UBE2W: variants seen among roughly 807,000 people sequenced by gnomAD.
The protein encoded by UBE2W is ubiquitin conjugating enzyme E2 W.
UBE2W carries 18 observed loss-of-function variants against 27.2 expected under a neutral mutation model. The ratio of observed to expected loss-of-function variants is 0.66; its 90% CI spans 0.46 to 0.98. The LOEUF (loss-of-function observed/expected upper bound fraction) is 0.98. UBE2W is among the 50% of genes least tolerant of loss of function. UBE2W has a pLI of 0.00. For synonymous variants in UBE2W, 53 were observed against 57.2 expected (o/e 0.93, Z 0.33); for missense variants, 90 against 180.2 (o/e 0.50, Z 2.87).
At chr8:73,842,051 G>A (rs918411990) in intron 1 of UBE2W, among the ~76,000 whole-genome samples, 3 of 152,056 alleles carry the variant, frequency 2.0e-5, no homozygotes, top group Non-Finnish European at 2.9e-5. Flanking sequence ...CAGCAGAAAC[G>A]AACACAAATA....
At chr8:73,878,180 G>A (rs953059837) in intron 1 of UBE2W, among the ~76,000 whole-genome samples, 1 of 152,228 alleles carries the variant, frequency 6.6e-6, no homozygotes, top group Admixed American at 6.5e-5. Context: ...GTGGACTGCT[G>A]GAGGAATGTC....
At position 73,871,933 on chromosome 8, in the gene UBE2W, C is replaced by T. The variant is rs565469855; in HGVS notation, c.15+6875G>A. 2.0e-5 allele frequency among the ~76,000 whole-genome samples: 3 copies of T among 152,138 alleles called. No individual in the cohort carries two copies. In the South Asian group the frequency reaches 6.2e-4, roughly 32 times the overall value. ...TTTGAGACAGGGTCTCACTCTGTCACCCATGCTGGAGTAGAGTGGCACAAT... is the reference window on the plus strand; with the variant it reads ...TTTGAGACAGGGTCTCACTCTGTCATCCATGCTGGAGTAGAGTGGCACAAT... On this transcript the variant is annotated intron_variant, in intron 1 of 5. Coordinates refer to ENST00000602593, the MANE Select transcript of UBE2W (RefSeq NM_018299.6).
At chr8:73,832,042 G>A (rs903805470) in intron 1 of UBE2W, 9 of 151,610 alleles carry the variant, frequency 5.9e-5, no homozygotes, top group African/African-American at 1.2e-4. Context: ...AGGGAGAGAC[G>A]GGGAAAATGC....
At chr8:73,805,472 C>CAAAAAACAAAACAAAAAAAAA (rs1808855133) in intron 5 of UBE2W, among the ~76,000 whole-genome samples, 179 bp downstream of exon 5, 13 of 43,696 alleles carry the variant, frequency 3.0e-4, no homozygotes, top group Admixed American at 1.2e-3. Flanking sequence ...AAAAAAAAAA[C>CAAAAAACAAAACAAAAAAAAA]AAAAAAAACT....
chr8:73,864,750 T>TTGGG (rs1475765458), intron 1 of UBE2W, among the ~76,000 whole-genome samples: 7 of 88,604 alleles, frequency 7.9e-5, no homozygotes, highest in African/African-American at 1.8e-4. Flanking sequence ...CAAATTTTTT[T>TTGGG]GGGGGGGGGG....
At chr8:73,867,603 C>G (rs1327213812) in intron 1 of UBE2W, among the ~76,000 whole-genome samples, 1 of 151,774 alleles carries the variant, frequency 6.6e-6, no homozygotes, top group Non-Finnish European at 1.5e-5. Flanking sequence ...CCCAGCTACT[C>G]AGGAGGCTGA....
rs1262365558 is a variant in UBE2W, at chr8:73,793,054, A to G, written c.*1048T>C. 5.1e-6 allele frequency: 5 copies of G among 985,490 alleles called. No homozygotes were observed. The highest frequency in any genetic ancestry group is 6.0e-6 in the Non-Finnish European group (5 of 829,678). 61.0% of individuals were successfully genotyped at this position (985,490 alleles called of 1,614,324 possible). On this transcript the variant is annotated 3_prime_UTR_variant, in exon 6 of 6. Transcript: ENST00000602593. ...CACAAGTAAAGAAAATTTACAAGAAAAAACTTAACAAAAGTTTCAATAAAA... is the reference window on the plus strand; with the variant it reads ...CACAAGTAAAGAAAATTTACAAGAAGAAACTTAACAAAAGTTTCAATAAAA...
Position 73,845,064 on chromosome 8 carries a change from C to T in UBE2W, c.16-14592G>A, listed in dbSNP as rs894994724. Among the ~76,000 whole-genome samples, 638 of 141,414 alleles carry T rather than the reference C, an allele frequency of 4.5e-3. 6 individuals are homozygous for T. The highest frequency in any genetic ancestry group is 0.015 in the African/African-American group (611 of 40,494). 92.8% of individuals were successfully genotyped at this position (141,414 alleles called of 152,430 possible). ...CCCCATCCGGGAGGTGGCCAGCCCC[C>T]GCCCGGCCAGCTGCACCATCTGGGA... is the stretch of plus-strand genomic sequence containing the variant. On this transcript the variant is annotated intron_variant, in intron 1 of 5. Transcript: ENST00000602593.
chr8:73,834,273 T>G (rs1810215153), intron 1 of UBE2W, among the ~76,000 whole-genome samples: 1 of 152,224 alleles, frequency 6.6e-6, no homozygotes, highest in South Asian at 2.1e-4. Context: ...TAAATTTGCT[T>G]AAATAATTTG....
At chr8:73,784,764 C>A (rs1351714480), downstream of UBE2W, among the ~76,000 whole-genome samples, 1 of 152,100 alleles carries the variant, frequency 6.6e-6, no homozygotes, top group Non-Finnish European at 1.5e-5. Context: ...TAAATTATTT[C>A]TTGGTGGGTG....
chr8:73,853,719 C>T (rs1218326795), intron 1 of UBE2W, among the ~76,000 whole-genome samples: 1 of 151,976 alleles, frequency 6.6e-6, no homozygotes, highest in Non-Finnish European at 1.5e-5. Flanking sequence ...GCAGATACAA[C>T]TATTTTCAAG....
At chr8:73,782,703 A>G (rs1365820489), downstream of UBE2W, among the ~76,000 whole-genome samples, 1 of 152,202 alleles carries the variant, frequency 6.6e-6, no homozygotes, top group Non-Finnish European at 1.5e-5. Context: ...TACATAAAAC[A>G]TAAAATGTTT....
intron 3 of UBE2W, among the ~76,000 whole-genome samples, chr8:73,822,230 G>A (rs187193392): frequency 1.2e-4 from 18 of 152,100 alleles, no homozygotes; most frequent in African/African-American, 2.4e-4. Flanking sequence ...AGTGGTTGTC[G>A]GCCAACCTCC....
intron 4 of UBE2W, among the ~76,000 whole-genome samples, chr8:73,810,071 A>C (rs1237316197): frequency 2.0e-5 from 3 of 152,130 alleles, no homozygotes; most frequent in Admixed American, 6.5e-5. Flanking sequence ...AAATTCCCTG[A>C]AACAGGTTGA....
At chr8:73,780,765 C>T (rs1292058578) in intron 4 of UBE2W, among the ~76,000 whole-genome samples, 1 of 151,768 alleles carries the variant, frequency 6.6e-6, no homozygotes, top group Non-Finnish European at 1.5e-5. Context: ...CTCAAGAGAT[C>T]CACCTGCCTC....
chr8:73,830,298 A>G, intron 2 of UBE2W, 83 bp downstream of exon 2: 1 of 974,156 alleles, frequency 1.0e-6, no homozygotes, highest in Non-Finnish European at 1.6e-6. Flanking sequence ...ATGTGAAAAT[A>G]ATTTTGTAGT....
chr8:73,792,319 T>C lies in UBE2W; in HGVS notation c.*1783A>G. 1.0e-6 allele frequency: 1 copy of C among 985,342 alleles called. No individual in the cohort carries two copies. The highest frequency in any genetic ancestry group is 1.2e-6 in the Non-Finnish European group (1 of 829,750). 61.0% of individuals were successfully genotyped at this position (985,342 alleles called of 1,614,324 possible). A position where few individuals can be genotyped will look rare whatever the true frequency, so the allele number is the denominator to read the frequency against. ...GTTAACTAGCAGTATATAAACAGTG[T>C]CCACAATTTGGTGGCTGGCCACGGT... On this transcript the variant is annotated 3_prime_UTR_variant, in exon 6 of 6. Transcript: ENST00000602593.
At chr8:73,855,828 A>T (rs1811274426) in intron 1 of UBE2W, among the ~76,000 whole-genome samples, 1 of 152,130 alleles carries the variant, frequency 6.6e-6, no homozygotes, top group Admixed American at 6.5e-5. Context: ...TTATTAATTA[A>T]ATCATTACTT....
chr8:73,786,459 C>T lies in UBE2W; in HGVS notation c.*7643G>A, dbSNP rs1017127882. 19 of 984,672 alleles carry T rather than the reference C, an allele frequency of 1.9e-5. No individual in the cohort carries two copies. The highest frequency in any genetic ancestry group is 1.1e-4 in the East Asian group (1 of 8,834). 61.0% of individuals were successfully genotyped at this position (984,672 alleles called of 1,614,324 possible). On this transcript the variant is annotated 3_prime_UTR_variant, in exon 6 of 6. Coordinates refer to ENST00000602593, the MANE Select transcript of UBE2W (RefSeq NM_018299.6). Reference sequence around the variant, plus strand: ...ACTGTATACTAGGTACTGTGTGCTACGTGCTGGGGACACAAACACAATTGC... The same window carrying T: ...ACTGTATACTAGGTACTGTGTGCTATGTGCTGGGGACACAAACACAATTGC...
Sources: allele counts gnomAD v4.1 joint callset (sites outside exome capture counted in the v4.1 genomes callset), GRCh38; gene constraint gnomAD v4.1.1; transcripts MANE v1.5; gene names NCBI Gene and HGNC (gene_info 2026-07-23, HGNC 2026-07-21).